PSMC3: variants seen among roughly 807,000 people sequenced by gnomAD.
The protein encoded by PSMC3 is proteasome 26S subunit, ATPase 3.
A neutral mutation model predicts 52.0 loss-of-function variants in PSMC3; 11 were observed. The observed-to-expected ratio is 0.21, with a 90% confidence interval of 0.13 to 0.35. PSMC3 has a LOEUF of 0.35. Among genes scored for constraint, PSMC3 ranks in the 10% least tolerant of loss-of-function variants. The pLI, the probability that PSMC3 is intolerant of heterozygous loss-of-function variation, is 1.00. For missense variants in PSMC3, 238 were observed against 567.1 expected, an observed-to-expected ratio of 0.42 and a Z score of 5.89; for synonymous variants, 201 against 218.8, an observed-to-expected ratio of 0.92 and a Z score of 0.72.
At chr11:47,419,842 G>C (rs1026186271) in intron 10 of PSMC3, among the ~76,000 whole-genome samples, 2 of 151,120 alleles carry the variant, frequency 1.3e-5, no homozygotes, top group African/African-American at 4.9e-5. Context: ...CTGGGCGACA[G>C]AGCGAGACAC....
chr11:47,425,902 T>A lies in PSMC3; in HGVS notation c.124A>T (p.Ile42Phe). 1.2e-6 allele frequency: 2 copies of A among 1,614,030 alleles called. No homozygotes were observed. The highest frequency in any genetic ancestry group is 1.7e-6 in the Non-Finnish European group (2 of 1,179,856). Reference sequence around the variant, plus strand: ...CTGTCCAGCAGCCGTGTGCGCTGGATGATCTCCTCCGTGGACATCTTGAGC... The same window carrying A: ...CTGTCCAGCAGCCGTGTGCGCTGGAAGATCTCCTCCGTGGACATCTTGAGC... ...EVLKMSTEEI[I>F]QRTRLLDSEI... is the part of the protein sequence containing the mutation. Residue 42 changes from isoleucine to phenylalanine, a missense_variant, in exon 2 of 12, where the codon ATC (isoleucine) becomes TTC (phenylalanine). Ile to Phe is a conservative substitution (Grantham distance 21). Around this residue, in one of 6 missense-constraint regions of PSMC3, gnomAD observed 48 missense variants for 63.4 expected, o/e 0.76. Transcript: ENST00000298852.
At position 47,422,370 on chromosome 11, in the gene PSMC3, G is replaced by A. The variant is rs1464509781; in HGVS notation, c.884+204C>T. 6.6e-6 allele frequency among the ~76,000 whole-genome samples: 1 copy of A among 152,256 alleles called. No homozygotes were observed. The highest frequency in any genetic ancestry group is 1.9e-4 in the East Asian group (1 of 5,182). On this transcript the variant is annotated intron_variant, in intron 8 of 11. Transcript: ENST00000298852. This position sits in a 1 kb window ranked among gnomAD's most constrained non-coding sequence, Gnocchi z 4.3. ...ATTCCTGTTTTGAAAGGAACATGCT[G>A]GCAGCTGTGGGAATGAATGGCTGGG...
At chr11:47,419,331 C>G in intron 10 of PSMC3, 134 bp from the exon 11 acceptor site, 1 of 847,310 alleles carries the variant, frequency 1.2e-6, no homozygotes, top group Non-Finnish European at 1.9e-6. Context: ...TTACTCAATG[C>G]GCCTTGTTTT....
At chr11:47,419,316 G>T in intron 10 of PSMC3, 119 bp from the exon 11 acceptor site, 1 of 1,015,070 alleles carries the variant, frequency 9.9e-7, no homozygotes, top group Non-Finnish European at 1.5e-6. Flanking sequence ...TCAGAGGCAA[G>T]TCCCTTACTC....
chr11:47,421,452 C>T (rs765859321), intron 8 of PSMC3, among the ~76,000 whole-genome samples: 7 of 151,932 alleles, frequency 4.6e-5, no homozygotes, highest in Non-Finnish European at 8.8e-5. Context: ...GAAAGCACAC[C>T]AGCTAGGCAA....
At chr11:47,419,586 G>A (rs566731906) in intron 10 of PSMC3, among the ~76,000 whole-genome samples, 84 of 152,244 alleles carry the variant, frequency 5.5e-4, no homozygotes, top group Non-Finnish European at 1.0e-3. Flanking sequence ...GAGGCCGGGC[G>A]TGGTGGCTCA....
chr11:47,420,158 G>C, intron 10 of PSMC3, 106 bp downstream of exon 10: 1 of 1,346,754 alleles, frequency 7.4e-7, no homozygotes, highest in African/African-American at 1.4e-5. Flanking sequence ...TGGGGCCTGG[G>C]AGGTGGTGGT....
At chr11:47,423,716 G>A (rs1051906487) in intron 6 of PSMC3, among the ~76,000 whole-genome samples, 6 of 152,130 alleles carry the variant, frequency 3.9e-5, no homozygotes, top group Non-Finnish European at 8.8e-5. Flanking sequence ...TTGAACCCGG[G>A]AGGCAGAGGT....
At position 47,422,018 on chromosome 11, in the gene PSMC3, T is replaced by A. The variant is rs753766517; in HGVS notation, c.884+556A>T. Among the ~76,000 whole-genome samples, 1 of 146,868 alleles carries A rather than the reference T, an allele frequency of 6.8e-6. No homozygotes were observed. Among genetic ancestry groups the A allele is most frequent in the Non-Finnish European group, 1.5e-5 (1 of 67,220 alleles). ...GGTTCATGTGAGCGAGGTGGCCAGA[T>A]TCCTGCTTTGGCTTTTTTTGTTTTG... is the stretch of plus-strand genomic sequence containing the variant. On this transcript the variant is annotated intron_variant, in intron 8 of 11. Coordinates refer to ENST00000298852, the MANE Select transcript of PSMC3 (RefSeq NM_002804.5). The surrounding 1 kb of genome is among the most constrained non-coding windows in gnomAD (Gnocchi z 4.3).
Position 47,424,316 on chromosome 11 carries a change from C to T in PSMC3, c.453+113G>A. The T allele has an allele frequency of 6.4e-7, 1 of 1,555,726 alleles. No individual in the cohort carries two copies. The highest frequency in any genetic ancestry group is 2.2e-5 in the East Asian group (1 of 44,494). On this transcript the variant is annotated intron_variant, in intron 5 of 11. Coordinates refer to ENST00000298852, the MANE Select transcript of PSMC3 (RefSeq NM_002804.5). The surrounding 1 kb of genome is among the most constrained non-coding windows in gnomAD (Gnocchi z 4.8). ...GAATCAAACAGCAAGTAGACAGAATCCCAGACTCTCGGAGCTGTTCTGCCA... is the reference window on the plus strand; with the variant it reads ...GAATCAAACAGCAAGTAGACAGAATTCCAGACTCTCGGAGCTGTTCTGCCA...
Position 47,426,236 on chromosome 11 carries a change from T to TC in PSMC3, c.43dup (p.Glu15GlyfsTer9), listed in dbSNP as rs1163029512. The TC allele has an allele frequency of 1.3e-6, 2 of 1,559,546 alleles. No homozygotes were observed. The highest frequency in any genetic ancestry group is 3.9e-5 in the Admixed American group (2 of 51,756). Reference sequence around the variant, plus strand: ...CTCATCCCACACGGTCGCCATCTTCTCCTGCCGAGTCACTGGACTCTCAAT... The same window carrying TC: ...CTCATCCCACACGGTCGCCATCTTCTCCCTGCCGAGTCACTGGACTCTCAAT... On this transcript the variant is annotated frameshift_variant, in exon 1 of 12. Coordinates refer to ENST00000298852, the MANE Select transcript of PSMC3 (RefSeq NM_002804.5). LOFTEE classifies it high-confidence loss of function.
chr11:47,424,225 AG>A lies in PSMC3; in HGVS notation c.454-43del. ...GGGCCTTCAGATTTGGCCCAGCTCA[AG>A]GGCTACCCAACTGACTGGGTGACAG... is the stretch of plus-strand genomic sequence containing the variant. On this transcript the variant is annotated intron_variant, in intron 5 of 11. Transcript: ENST00000298852. This position sits in a 1 kb window ranked among gnomAD's most constrained non-coding sequence, Gnocchi z 4.8. The A allele has an allele frequency of 6.2e-7, 1 of 1,613,932 alleles. No homozygotes were observed. Among genetic ancestry groups the A allele is most frequent in the Non-Finnish European group, 8.5e-7 (1 of 1,179,802 alleles).
rs201330071 is a variant in PSMC3 at position 47,422,032 on chromosome 11, TTTTTTG to T, written c.884+536_884+541del. On this transcript the variant is annotated intron_variant, in intron 8 of 11. Transcript: ENST00000298852. This position sits in a 1 kb window ranked among gnomAD's most constrained non-coding sequence, Gnocchi z 4.3. ...AGGTGGCCAGATTCCTGCTTTGGCT[TTTTTTG>T]TTTTGTTTTCTTTTTTTTTTTTTGA... 6.3e-4 allele frequency among the ~76,000 whole-genome samples: 12 copies of T among 18,912 alleles called. No homozygotes were observed. Among genetic ancestry groups the T allele is most frequent in the African/African-American group, 1.8e-3 (11 of 6,096 alleles). The allele number at this position is 18,912 out of a possible 152,430, so 12.4% of individuals were successfully genotyped here.
chr11:47,425,857 G>A lies in PSMC3; in HGVS notation c.159+10C>T, dbSNP rs775097237. 6.2e-7 allele frequency: 1 copy of A among 1,612,212 alleles called. No individual in the cohort carries two copies. Among genetic ancestry groups the A allele is most frequent in the South Asian group, 1.1e-5 (1 of 90,986 alleles). ...GGGCTCCATCGCCCGCACAGGAGCT[G>A]TGCGCCCACCTTGATCTCACTGTCC... On this transcript the variant is annotated intron_variant, in intron 2 of 11. Transcript: ENST00000298852.
At position 47,424,549 on chromosome 11, in the gene PSMC3, C is replaced by T. The variant is rs1442358728; in HGVS notation, c.390+58G>A. On this transcript the variant is annotated intron_variant, in intron 4 of 11. Transcript: ENST00000298852. This position sits in a 1 kb window ranked among gnomAD's most constrained non-coding sequence, Gnocchi z 4.8. ...GTGTCCTCAGGGAAGGCTCCCTAGTCCTGTCCCACATCCGCTCCTCACCCT... is the reference window on the plus strand; with the variant it reads ...GTGTCCTCAGGGAAGGCTCCCTAGTTCTGTCCCACATCCGCTCCTCACCCT... The T allele has an allele frequency of 1.2e-6, 2 of 1,605,888 alleles. No homozygotes were observed. The highest frequency in any genetic ancestry group is 2.2e-5 in the East Asian group (1 of 44,856).
At chr11:47,423,938 C>T (rs781411788) in intron 6 of PSMC3, 108 bp downstream of exon 6, 9 of 1,492,302 alleles carry the variant, frequency 6.0e-6, no homozygotes, top group Non-Finnish European at 7.4e-6. Flanking sequence ...CCCTTCCTCC[C>T]TAGGTTGCTA....
In PSMC3 at chr11:47,422,779, TAG is replaced by T. The variant is rs766368390; in HGVS notation, c.735+49_735+50del. 4.4e-6 allele frequency: 7 copies of T among 1,607,846 alleles called. No homozygotes were observed. Among genetic ancestry groups the T allele is most frequent in the Non-Finnish European group, 6.0e-6 (7 of 1,175,372 alleles). ...AGGCAGACCCTTTGAGCCCATCTGG[TAG>T]AGTTTCTGCTCCTGCCCACTTCCCC... On this transcript the variant is annotated intron_variant, in intron 7 of 11. Coordinates refer to ENST00000298852, the MANE Select transcript of PSMC3 (RefSeq NM_002804.5). The surrounding 1 kb of genome is among the most constrained non-coding windows in gnomAD (Gnocchi z 4.3).
intron 10 of PSMC3, among the ~76,000 whole-genome samples, chr11:47,419,558 A>G (rs1398874767): frequency 6.6e-6 from 1 of 152,096 alleles, no homozygotes; most frequent in Non-Finnish European, 1.5e-5. Flanking sequence ...CCAAGTCCCA[A>G]ATAAGAAAAG....
chr11:47,423,637 C>T (rs2096043266), intron 6 of PSMC3, among the ~76,000 whole-genome samples: 1 of 152,004 alleles, frequency 6.6e-6, no homozygotes, highest in South Asian at 2.1e-4. Flanking sequence ...AAATACTCCG[C>T]TAAAATTAGC....
Sources: allele counts gnomAD v4.1 joint callset (sites outside exome capture counted in the v4.1 genomes callset), GRCh38; gene constraint gnomAD v4.1.1; regional missense constraint gnomAD v4.1.1; non-coding constraint Gnocchi (gnomAD v3.1); transcripts MANE v1.5; gene names NCBI Gene and HGNC (gene_info 2026-07-23, HGNC 2026-07-21).